The following SMC1B variants were observed in gnomAD, a reference collection of about 807,000 sequenced individuals.
SMC1B encodes structural maintenance of chromosomes 1B.
In SMC1B, 60 loss-of-function variants were observed where a neutral mutation model predicts 157.9. The ratio of observed to expected loss-of-function variants is 0.38; its 90% CI spans 0.31 to 0.47. The LOEUF (loss-of-function observed/expected upper bound fraction) is 0.47, where lower values mean the gene tolerates loss of function less well. Ranked by LOEUF, SMC1B falls within the 20% of genes least tolerant of loss-of-function variation. The probability of loss-of-function intolerance (pLI) is 0.99; values close to 1 mark genes in which losing one functional copy is unlikely to be tolerated. For synonymous variants in SMC1B, 445 were observed against 483.0 expected (o/e 0.92, Z 1.03); for missense variants, 1,165 against 1,426.2 (o/e 0.82, Z 2.95).
chr22:45,389,018 GAAAA>G (rs970781472), intron 10 of SMC1B, among the ~76,000 whole-genome samples: 3 of 129,302 alleles, frequency 2.3e-5, no homozygotes, highest in African/African-American at 8.8e-5. Flanking sequence ...AAAGAAAAAA[GAAAA>G]AAAAAAGAAA....
At chr22:45,375,697 A>C (rs1476330200) in intron 12 of SMC1B, among the ~76,000 whole-genome samples, 1 of 152,188 alleles carries the variant, frequency 6.6e-6, no homozygotes, top group East Asian at 1.9e-4. Flanking sequence ...CCTTTTCTAC[A>C]TATGATGACA....
chr22:45,400,862 G>A (rs2146844263), intron 5 of SMC1B, among the ~76,000 whole-genome samples: 1 of 152,230 alleles, frequency 6.6e-6, no homozygotes. Context: ...TTACTTCTGT[G>A]GGCTTCCTCC....
At chr22:45,378,952 G>A (rs562920551) in intron 12 of SMC1B, among the ~76,000 whole-genome samples, 75 of 152,188 alleles carry the variant, frequency 4.9e-4, no homozygotes, top group African/African-American at 1.8e-3. Context: ...TGTCAGGTAA[G>A]CATCCCATTA....
intron 10 of SMC1B, among the ~76,000 whole-genome samples, chr22:45,388,498 G>A (rs372905948): frequency 1.2e-4 from 18 of 152,270 alleles, no homozygotes; most frequent in African/African-American, 3.9e-4. Flanking sequence ...TGAGCAGAAG[G>A]TAACAACAGT....
At chr22:45,387,139 G>T in intron 10 of SMC1B, 93 bp from the exon 11 acceptor site, 2 of 1,100,218 alleles carry the variant, frequency 1.8e-6, no homozygotes, top group Non-Finnish European at 2.6e-6. Context: ...ATATACGCAT[G>T]GCAGCAAAAG....
chr22:45,382,972 A>G (rs989554679), intron 12 of SMC1B, among the ~76,000 whole-genome samples: 17 of 152,172 alleles, frequency 1.1e-4, no homozygotes, highest in African/African-American at 1.9e-4. Flanking sequence ...CGTCTCTACT[A>G]AAAATACAAA....
intron 12 of SMC1B, among the ~76,000 whole-genome samples, chr22:45,379,723 C>CTTTTTTT (rs136583): frequency 9.8e-4 from 90 of 91,468 alleles, no homozygotes; most frequent in Non-Finnish European, 1.3e-3. Flanking sequence ...TTTCTTTTTA[C>CTTTTTTT]TTTTTTTTTT....
intron 19 of SMC1B, among the ~76,000 whole-genome samples, chr22:45,357,413 G>A (rs1011339404): frequency 2.0e-5 from 3 of 152,252 alleles, no homozygotes; most frequent in Admixed American, 6.5e-5. Context: ...GCTGTGAAGG[G>A]TGTGCCACAC....
At chr22:45,364,379 A>G (rs963992705) in intron 15 of SMC1B, among the ~76,000 whole-genome samples, 2 of 152,242 alleles carry the variant, frequency 1.3e-5, no homozygotes, top group Non-Finnish European at 2.9e-5. Flanking sequence ...ATAACAATTA[A>G]AACATTAATA....
At chr22:45,352,126 C>A (rs1027176238) in intron 22 of SMC1B, among the ~76,000 whole-genome samples, 4 of 151,818 alleles carry the variant, frequency 2.6e-5, no homozygotes, top group African/African-American at 9.7e-5. Flanking sequence ...GTAGCACATG[C>A]CTGTGGTCCT....
intron 9 of SMC1B, among the ~76,000 whole-genome samples, chr22:45,392,999 C>A (rs1338990055): frequency 6.6e-6 from 1 of 151,994 alleles, no homozygotes; most frequent in Non-Finnish European, 1.5e-5. Context: ...CTGCCCTGGC[C>A]GGTAGGTGTT....
rs2146836978 is a variant in SMC1B, at chr22:45,396,463, C to T, written c.1137G>A (p.Lys379=). 2 of 1,612,744 alleles carry T rather than the reference C, an allele frequency of 1.2e-6. No individual in the cohort carries two copies. The highest frequency in any genetic ancestry group is 1.7e-6 in the Non-Finnish European group (2 of 1,179,488). The change falls in exon 7 of 25, where the codon AAG becomes AAA. Residue 379 remains lysine, a synonymous_variant. Transcript: ENST00000357450. ...ASQLDRYKEL[K]EQVRKKVATM... ...TAGCTACTTTCTTTCTTACTTGTTCCTTAAGTTCTTTATAACGATCCAGCT... is the reference window on the plus strand; with the variant it reads ...TAGCTACTTTCTTTCTTACTTGTTCTTTAAGTTCTTTATAACGATCCAGCT...
intron 9 of SMC1B, among the ~76,000 whole-genome samples, chr22:45,390,487 C>T (rs1269785489): frequency 6.6e-6 from 1 of 152,074 alleles, no homozygotes; most frequent in Non-Finnish European, 1.5e-5. Flanking sequence ...GCGGGCAGAT[C>T]ATGGGGTCAA....
At chr22:45,396,231 T>C in intron 7 of SMC1B, 115 bp downstream of exon 7, 2 of 820,250 alleles carry the variant, frequency 2.4e-6, no homozygotes, top group Non-Finnish European at 3.5e-6. Flanking sequence ...ATGAAATAAA[T>C]GAAATGAGAC....
intron 23 of SMC1B, among the ~76,000 whole-genome samples, chr22:45,347,750 G>A (rs2086567319): frequency 6.6e-6 from 1 of 152,090 alleles, no homozygotes; most frequent in South Asian, 2.1e-4. Flanking sequence ...CATCACGCCT[G>A]GCCCAGAATG....
intron 17 of SMC1B, among the ~76,000 whole-genome samples, chr22:45,361,265 A>G (rs2086719054): frequency 6.6e-6 from 1 of 152,218 alleles, no homozygotes; most frequent in African/African-American, 2.4e-5. Context: ...ATGTCAAGGT[A>G]GAATTAGGGT....
chr22:45,379,278 C>T (rs1035545754), intron 12 of SMC1B, among the ~76,000 whole-genome samples: 2 of 152,244 alleles, frequency 1.3e-5, no homozygotes, highest in African/African-American at 4.8e-5. Flanking sequence ...GCGTGGGCCA[C>T]CATGCCCAGC....
intron 16 of SMC1B, among the ~76,000 whole-genome samples, 163 bp from the exon 17 acceptor site, chr22:45,362,147 T>C (rs2086728162): frequency 6.6e-6 from 1 of 152,246 alleles, no homozygotes; most frequent in Admixed American, 6.5e-5. Flanking sequence ...TTCTACACTT[T>C]TTAGAAACTG....
chr22:45,400,002 T>C (rs1013839901), intron 5 of SMC1B, among the ~76,000 whole-genome samples: 3 of 152,210 alleles, frequency 2.0e-5, no homozygotes, highest in Non-Finnish European at 4.4e-5. Flanking sequence ...GAATGATTAA[T>C]GTGGTAATGG....
Sources: gnomAD v4.1 joint callset for allele counts (sites outside exome capture counted in the v4.1 genomes callset) on GRCh38, gnomAD v4.1.1 for gene constraint, MANE v1.5 for transcripts, NCBI Gene and HGNC (gene_info 2026-07-23, HGNC 2026-07-21) for gene names.